The following ZNF292 variants were observed in gnomAD, a reference collection of about 807,000 sequenced individuals.
ZNF292 encodes the protein zinc finger protein 292.
A neutral mutation model predicts 217.9 loss-of-function variants in ZNF292; 26 were observed. The ratio of observed to expected loss-of-function variants is 0.12; its 90% CI spans 0.09 to 0.17. ZNF292 has a LOEUF of 0.17. ZNF292 is among the 10% of genes least tolerant of loss of function. The pLI, the probability that ZNF292 is intolerant of heterozygous loss-of-function variation, is 1.00. For synonymous variants in ZNF292, 1,257 were observed against 1,124.1 expected (o/e 1.12, Z -2.37); for missense variants, 2,904 against 3,175.2 (o/e 0.91, Z 2.05).
At chr6:87,254,394 C>G (rs1212412034) in intron 7 of ZNF292, among the ~76,000 whole-genome samples, 2 of 152,134 alleles carry the variant, frequency 1.3e-5, no homozygotes, top group Non-Finnish European at 2.9e-5. Context: ...AAATAACTTC[C>G]AAGTTTGCCT....
At chr6:87,212,331 G>A (rs60074363) in intron 1 of ZNF292, among the ~76,000 whole-genome samples, 12,423 of 152,122 alleles carry the variant, frequency 0.082, 854 homozygotes, top group African/African-American at 0.19. Context: ...GGAGTACATA[G>A]CCATGATTGA....
intron 1 of ZNF292, among the ~76,000 whole-genome samples, chr6:87,209,856 C>T (rs1188949182): frequency 6.6e-6 from 1 of 152,118 alleles, no homozygotes; most frequent in Non-Finnish European, 1.5e-5. Flanking sequence ...TTGGGATCCT[C>T]AGTAATTTTT....
At chr6:87,227,910 A>G (rs1309039939) in intron 4 of ZNF292, among the ~76,000 whole-genome samples, 1 of 152,212 alleles carries the variant, frequency 6.6e-6, no homozygotes, top group Non-Finnish European at 1.5e-5. Context: ...AAACATGGGC[A>G]TACAAACGCT....
rs572173286 is a variant in ZNF292, at chr6:87,208,338, T to C, written c.169-7565T>C. Among the ~76,000 whole-genome samples, 6 of 152,238 alleles carry C rather than the reference T, an allele frequency of 3.9e-5. No individual in the cohort carries two copies. In the East Asian group the frequency reaches 1.2e-3, roughly 29 times the overall value. ...AATTAATTTGAATTAAATATTTTCT[T>C]TATTCCCCTCAATTTCTCTATTCTG... On this transcript the variant is annotated intron_variant, in intron 1 of 7. Coordinates refer to ENST00000369577, the MANE Select transcript of ZNF292 (RefSeq NM_015021.3).
At chr6:87,156,815 A>T (rs1466981828) in intron 1 of ZNF292, among the ~76,000 whole-genome samples, 1 of 152,204 alleles carries the variant, frequency 6.6e-6, no homozygotes, top group East Asian at 1.9e-4. Context: ...TTGGGACTAC[A>T]TTTGCACTTC....
Position 87,258,459 on chromosome 6 carries a change from T to C in ZNF292, c.4830T>C (p.Ser1610=), listed in dbSNP as rs878988204. 6.2e-7 allele frequency: 1 copy of C among 1,613,694 alleles called. No homozygotes were observed. The highest frequency in any genetic ancestry group is 1.1e-5 in the South Asian group (1 of 91,064). Residue 1610 remains serine (S), a synonymous_variant, in exon 8 of 8, where the codon AGT becomes AGC. Coordinates refer to ENST00000369577, the MANE Select transcript of ZNF292 (RefSeq NM_015021.3). ...ACAGTTCTCGTGTTTCTGTTATAAG[T>C]GGTCCTCAGAACACAAGATCCAGTC... is the stretch of plus-strand genomic sequence containing the variant. The part of the protein sequence containing the change: ...TSNSSRVSVI[S]GPQNTRSSHL...
intron 4 of ZNF292, among the ~76,000 whole-genome samples, chr6:87,231,247 T>C (rs558226818): frequency 1.3e-5 from 2 of 152,300 alleles, no homozygotes; most frequent in African/African-American, 4.8e-5. Flanking sequence ...TATCTTCCTT[T>C]AAAGGCTGAT....
In ZNF292 at chr6:87,259,897, G is replaced by A. The variant is rs756758970; in HGVS notation, c.6268G>A (p.Glu2090Lys). 6.2e-7 allele frequency: 1 copy of A among 1,613,408 alleles called. No individual in the cohort carries two copies. The highest frequency in any genetic ancestry group is 8.5e-7 in the Non-Finnish European group (1 of 1,179,596). ...GATTAGGAGGCATAAAAAAGAAAAGGAGGAGAAAAAACGAAAGAAGCCAGT... is the reference window on the plus strand; with the variant it reads ...GATTAGGAGGCATAAAAAAGAAAAGAAGGAGAAAAAACGAAAGAAGCCAGT... ...RKIRRHKKEK[E>K]EKKRKKPVSQ... The change falls in exon 8 of 8, where the codon GAG becomes AAG. Residue 2090 changes from glutamate to lysine, a missense_variant. This residue lies in a region of ZNF292 where 261 missense variants were observed against 272.8 expected (regional missense o/e 0.96). Coordinates refer to ENST00000369577, the MANE Select transcript of ZNF292 (RefSeq NM_015021.3).
intron 1 of ZNF292, among the ~76,000 whole-genome samples, chr6:87,193,641 G>T (rs927551145): frequency 2.6e-5 from 4 of 152,114 alleles, no homozygotes; most frequent in Admixed American, 2.6e-4. Flanking sequence ...TTCTGCACGT[G>T]CATACTCAGA....
At chr6:87,237,226 C>A (rs1773946287) in intron 5 of ZNF292, among the ~76,000 whole-genome samples, 1 of 152,022 alleles carries the variant, frequency 6.6e-6, no homozygotes, top group Non-Finnish European at 1.5e-5. Context: ...ATAAGCAAAT[C>A]AATTTTTTAA....
At chr6:87,214,364 G>A (rs1327199821) in intron 1 of ZNF292, among the ~76,000 whole-genome samples, 1 of 152,092 alleles carries the variant, frequency 6.6e-6, no homozygotes, top group East Asian at 1.9e-4. Flanking sequence ...TGTGGATTGA[G>A]CTAAGGAACT....
Position 87,155,628 on chromosome 6 carries a change from T to G in ZNF292, c.37T>G (p.Cys13Gly). Reference protein sequence around the residue: ...DEEAEQERLSCGEGGCVAELQ... With the variant: ...DEEAEQERLSGGEGGCVAELQ... The stretch of plus-strand genomic sequence containing the variant: ...AGAGGCCGAGCAGGAGAGGTTGAGT[T>G]GCGGCGAAGGCGGCTGCGTCGCGGA... The change falls in exon 1 of 8, where the codon TGC (cysteine) becomes GGC (glycine). Residue 13 changes from cysteine to glycine, a missense_variant. Transcript: ENST00000369577. The G allele has an allele frequency of 6.3e-7, 1 of 1,583,582 alleles. No individual in the cohort carries two copies. The highest frequency in any genetic ancestry group is 1.8e-5 in the Admixed American group (1 of 54,830).
At chr6:87,219,397 T>A (rs528712364) in intron 4 of ZNF292, among the ~76,000 whole-genome samples, 79 of 152,332 alleles carry the variant, frequency 5.2e-4, no homozygotes, top group East Asian at 1.3e-3. Context: ...TAAATTTTTT[T>A]AAAAAATTGT....
At chr6:87,209,498 C>T (rs1052511574) in intron 1 of ZNF292, among the ~76,000 whole-genome samples, 2 of 152,104 alleles carry the variant, frequency 1.3e-5, no homozygotes, top group African/African-American at 4.8e-5. Context: ...GGCTCCTCAG[C>T]GGGTTTAGAA....
intron 7 of ZNF292, among the ~76,000 whole-genome samples, chr6:87,253,220 CTT>C (rs66511840): frequency 2.5e-5 from 3 of 118,982 alleles, no homozygotes; most frequent in Admixed American, 8.9e-5. Flanking sequence ...CATGCCCAGC[CTT>C]TTTTTTTTTT....
chr6:87,193,372 C>A (rs985754392), intron 1 of ZNF292, among the ~76,000 whole-genome samples: 1 of 151,944 alleles, frequency 6.6e-6, no homozygotes, highest in African/African-American at 2.4e-5. Context: ...TGACGAAAAA[C>A]ATTTCTATCA....
At chr6:87,253,220 C>CTTTTTTT (rs66511840) in intron 7 of ZNF292, among the ~76,000 whole-genome samples, 31 of 118,976 alleles carry the variant, frequency 2.6e-4, no homozygotes, top group African/African-American at 4.1e-4. Context: ...CATGCCCAGC[C>CTTTTTTT]TTTTTTTTTT....
chr6:87,229,311 T>C (rs556299428), intron 4 of ZNF292, among the ~76,000 whole-genome samples: 1 of 152,358 alleles, frequency 6.6e-6, no homozygotes, highest in Admixed American at 6.5e-5. Flanking sequence ...AGTTTTTAAA[T>C]GGGATCTTTA....
chr6:87,202,256 G>T (rs547389789), intron 1 of ZNF292, among the ~76,000 whole-genome samples: 1 of 151,896 alleles, frequency 6.6e-6, no homozygotes, highest in South Asian at 2.1e-4. Flanking sequence ...TTTTTGAAAA[G>T]ATCTTATAAA....
Sources: gnomAD v4.1 joint callset for allele counts (sites outside exome capture counted in the v4.1 genomes callset) on GRCh38, gnomAD v4.1.1 for gene constraint, gnomAD v4.1.1 regional missense constraint, MANE v1.5 for transcripts, NCBI Gene and HGNC (gene_info 2026-07-23, HGNC 2026-07-21) for gene names.